The following BPTF variants were observed in gnomAD, a reference collection of about 807,000 sequenced individuals.
The protein encoded by BPTF is bromodomain PHD finger transcription factor, also known as nucleosome-remodeling factor subunit BPTF.
A neutral mutation model predicts 292.5 loss-of-function variants in BPTF; 18 were observed. That is an observed-to-expected ratio of 0.06 (90% CI 0.04 to 0.09). The LOEUF (loss-of-function observed/expected upper bound fraction) is 0.09. Among genes scored for constraint, BPTF ranks in the 10% least tolerant of loss-of-function variants. The probability of loss-of-function intolerance (pLI) is 1.00; values close to 1 mark genes in which losing one functional copy is unlikely to be tolerated. For missense variants in BPTF, 2,726 were observed against 3,498.7 expected (o/e 0.78, Z 5.57); for synonymous variants, 1,225 against 1,251.9 (o/e 0.98, Z 0.45).
intron 3 of BPTF, among the ~76,000 whole-genome samples, chr17:67,868,500 C>T (rs545872790): frequency 2.0e-5 from 3 of 152,286 alleles, no homozygotes; most frequent in African/African-American, 7.2e-5. Context: ...GTTCTGCATC[C>T]TGAGAATACT....
intron 23 of BPTF, among the ~76,000 whole-genome samples, chr17:67,949,706 T>C (rs984156090): frequency 2.1e-4 from 32 of 151,828 alleles, no homozygotes; most frequent in Non-Finnish European, 2.6e-4. Flanking sequence ...TATACACACA[T>C]GTATATATAT....
intron 2 of BPTF, among the ~76,000 whole-genome samples, chr17:67,861,768 G>A (rs963967971): frequency 1.3e-5 from 2 of 152,060 alleles, no homozygotes; most frequent in Admixed American, 1.3e-4. Flanking sequence ...TAATTATCTT[G>A]CTTTCTAACA....
chr17:67,840,490 T>TTCG (rs1385437299), intron 1 of BPTF, among the ~76,000 whole-genome samples: 1 of 126,846 alleles, frequency 7.9e-6, no homozygotes, highest in African/African-American at 5.6e-5. Context: ...CTGCTGCTCC[T>TTCG]CCGCCTCCTC....
intron 4 of BPTF, among the ~76,000 whole-genome samples, chr17:67,882,201 G>A (rs553154646): frequency 6.6e-6 from 1 of 152,166 alleles, no homozygotes; most frequent in East Asian, 1.9e-4. Context: ...TCCTGACTTG[G>A]AATCATTTTT....
chr17:67,892,080 A>AT, intron 5 of BPTF, 46 bp downstream of exon 5: 1 of 1,371,630 alleles, frequency 7.3e-7, no homozygotes, highest in Non-Finnish European at 9.8e-7. Flanking sequence ...ATGTGAGATA[A>AT]TTTTAATTAC....
chr17:67,935,856 T>C (rs959921299), intron 18 of BPTF, among the ~76,000 whole-genome samples: 2 of 152,010 alleles, frequency 1.3e-5, no homozygotes, highest in African/African-American at 2.4e-5. Context: ...CTCACAAAAC[T>C]GAAAAAAAGA....
chr17:67,911,992 A>C lies in BPTF; in HGVS notation c.4108A>C (p.Arg1370=), dbSNP rs1380192108. Residue 1370 remains arginine, a synonymous_variant, in exon 11 of 28, where the codon AGA becomes CGA. Transcript: ENST00000306378. ...AAGTCAGCAGAAGAAATTAGAGGAG[A>C]GACCAGTTAATAAATGTAGTGATCA... ...KPSQQKKLEE[R]PVNKCSDQIK... The C allele has an allele frequency of 6.2e-7, 1 of 1,614,030 alleles. No homozygotes were observed. Among genetic ancestry groups the C allele is most frequent in the South Asian group, 1.1e-5 (1 of 91,068 alleles).
chr17:67,934,200 A>G (rs2064701629), intron 18 of BPTF, among the ~76,000 whole-genome samples: 1 of 152,120 alleles, frequency 6.6e-6, no homozygotes, highest in Non-Finnish European at 1.5e-5. Context: ...ATACTATATT[A>G]TGCTGTAACA....
At chr17:67,909,041 G>A (rs1441024403) in intron 9 of BPTF, among the ~76,000 whole-genome samples, 2 of 151,472 alleles carry the variant, frequency 1.3e-5, no homozygotes, top group East Asian at 3.9e-4. Flanking sequence ...CACCATGTTA[G>A]CCAGGCTGGT....
intron 1 of BPTF, among the ~76,000 whole-genome samples, chr17:67,832,029 A>G (rs2056731790): frequency 6.6e-6 from 1 of 152,004 alleles, no homozygotes; most frequent in Non-Finnish European, 1.5e-5. Context: ...GTAGGGGACT[A>G]CAGGCGCCTG....
rs1023558236 is a variant in BPTF at position 67,935,288 on chromosome 17, G to A, written c.6259+3269G>A. Among the ~76,000 whole-genome samples, 12 of 152,132 alleles carry A rather than the reference G, an allele frequency of 7.9e-5. No homozygotes were observed. In the East Asian group the frequency reaches 2.1e-3, roughly 27 times the overall value. ...AAAATTTCTAAAAAATTAGCCAGGC[G>A]TGGTGGCACATGCCTGTGGTTTCAG... On this transcript the variant is annotated intron_variant, in intron 18 of 27. Coordinates refer to ENST00000306378, the MANE Select transcript of BPTF (RefSeq NM_182641.4).
chr17:67,955,508 A>C (rs1348094155), intron 23 of BPTF: 1 of 151,536 alleles, frequency 6.6e-6, no homozygotes, highest in Non-Finnish European at 1.5e-5. Flanking sequence ...ATCTACATGA[A>C]GTCTCTGCTT....
At chr17:67,951,386 A>G (rs1482552186) in intron 23 of BPTF, 5 of 152,190 alleles carry the variant, frequency 3.3e-5, no homozygotes, top group African/African-American at 9.7e-5. Context: ...TCAAATATAT[A>G]TTTCACAGTA....
intron 1 of BPTF, among the ~76,000 whole-genome samples, chr17:67,828,685 C>T (rs1410872184): frequency 2.0e-5 from 3 of 152,120 alleles, no homozygotes; most frequent in East Asian, 3.9e-4. Flanking sequence ...TGCAGCACCA[C>T]GCCCAGCTAA....
intron 7 of BPTF, among the ~76,000 whole-genome samples, chr17:67,895,973 T>G (rs866322329): frequency 6.6e-6 from 1 of 151,600 alleles, no homozygotes; most frequent in Middle Eastern, 3.4e-3. Flanking sequence ...GCTTTTTTTT[T>G]TTTTTTTTGA....
At chr17:67,901,734 AG>A (rs2061857045) in intron 7 of BPTF, among the ~76,000 whole-genome samples, 1 of 152,248 alleles carries the variant, frequency 6.6e-6, no homozygotes, top group Admixed American at 6.5e-5. Flanking sequence ...ACAGTTTAGA[AG>A]TTCAATACTA....
At chr17:67,924,399 G>GC (rs1312894995) in intron 14 of BPTF, 148 bp from the exon 15 acceptor site, 1 of 808,946 alleles carries the variant, frequency 1.2e-6, no homozygotes, top group East Asian at 3.0e-5. Context: ...ACAGGCATGA[G>GC]CCACCTCGCA....
At chr17:67,982,003 A>G (rs1555696842) in intron 27 of BPTF, 1 of 151,576 alleles carries the variant, frequency 6.6e-6, no homozygotes, top group East Asian at 2.0e-4. Context: ...ATATATATAT[A>G]TATATATATA....
intron 24 of BPTF, among the ~76,000 whole-genome samples, chr17:67,962,544 G>C (rs2067618288): frequency 6.6e-6 from 1 of 152,178 alleles, no homozygotes; most frequent in Admixed American, 6.5e-5. Context: ...AACTATCCTT[G>C]CATCATTCTC....
Sources: gnomAD v4.1 joint callset for allele counts (sites outside exome capture counted in the v4.1 genomes callset) on GRCh38, gnomAD v4.1.1 for gene constraint, MANE v1.5 for transcripts, NCBI Gene and HGNC (gene_info 2026-07-23, HGNC 2026-07-21) for gene names.